OPCML: variants seen among roughly 807,000 people sequenced by gnomAD.
OPCML encodes the protein opioid binding protein/cell adhesion molecule like.
In OPCML, 13 loss-of-function variants were observed where a neutral mutation model predicts 37.8. The observed-to-expected ratio is 0.34, with a 90% CI of 0.22 to 0.55. OPCML has a LOEUF of 0.55. OPCML is among the 20% of genes least tolerant of loss of function. The pLI is 0.91. For synonymous variants in OPCML, 176 were observed against 168.8 expected (o/e 1.04, Z -0.33); for missense variants, 341 against 435.6 (o/e 0.78, Z 1.93).
intron 1 of OPCML, among the ~76,000 whole-genome samples, chr11:133,230,259 C>T (rs1050880070): frequency 6.6e-6 from 1 of 152,156 alleles, no homozygotes; most frequent in African/African-American, 2.4e-5. Context: ...CATCTTGGCT[C>T]ATGGTGTCAT....
In OPCML at chr11:132,436,249, A is replaced by T. The variant is rs751719480; in HGVS notation, c.765-12T>A. ...GACCAGTGGCTAACCTGCAAGAGGGAAGACATTGCTATCAATTCATTCTAC... is the reference window on the plus strand; with the variant it reads ...GACCAGTGGCTAACCTGCAAGAGGGTAGACATTGCTATCAATTCATTCTAC... On this transcript the variant is annotated splice_polypyrimidine_tract_variant and intron_variant, in intron 6 of 7. Coordinates refer to ENST00000524381, the MANE Select transcript of OPCML (RefSeq NM_001012393.5). 2 of 1,614,150 alleles carry T rather than the reference A, an allele frequency of 1.2e-6. No homozygotes were observed. The highest frequency in any genetic ancestry group is 1.7e-6 in the Non-Finnish European group (2 of 1,180,016).
At chr11:133,137,072 T>C (rs1410041553) in intron 1 of OPCML, among the ~76,000 whole-genome samples, 1 of 152,192 alleles carries the variant, frequency 6.6e-6, no homozygotes, top group Non-Finnish European at 1.5e-5. Flanking sequence ...AAGGATGGTT[T>C]TCTCATCGCT....
chr11:133,112,595 G>T (rs1395866187), intron 1 of OPCML, among the ~76,000 whole-genome samples: 1 of 152,146 alleles, frequency 6.6e-6, no homozygotes, highest in East Asian at 1.9e-4. Context: ...AATAAAAGGT[G>T]TCAGCATCTA....
intron 3 of OPCML, among the ~76,000 whole-genome samples, chr11:132,570,805 A>G (rs1229093294): frequency 8.3e-6 from 1 of 119,996 alleles, no homozygotes; most frequent in Non-Finnish European, 1.8e-5. Context: ...ATATATATTT[A>G]GAGAGAGAGA....
chr11:133,322,157 T>TG lies in OPCML; in HGVS notation c.61+210106dup, dbSNP rs1592199983. On this transcript the variant is annotated intron_variant, in intron 1 of 7. Coordinates refer to ENST00000524381, the MANE Select transcript of OPCML (RefSeq NM_001012393.5). ...GCTGATGGCCATAGGCTGCAACCTA[T>TG]GGTCTTTCTTACTCAGCATTTGAAT... Among the ~76,000 whole-genome samples the TG allele has an allele frequency of 2.6e-5, 4 of 152,324 alleles. No homozygotes were observed. In the East Asian group the frequency reaches 7.7e-4, roughly 29 times the overall value.
intron 2 of OPCML, among the ~76,000 whole-genome samples, chr11:132,682,628 G>A (rs1005844892): frequency 2.0e-5 from 3 of 152,292 alleles, no homozygotes; most frequent in Non-Finnish European, 4.4e-5. Context: ...ATAAAGAGGC[G>A]ATAAGGAGGC....
chr11:132,870,322 C>T (rs563239071), intron 2 of OPCML, among the ~76,000 whole-genome samples: 1 of 152,094 alleles, frequency 6.6e-6, no homozygotes, highest in Non-Finnish European at 1.5e-5. Flanking sequence ...ATTATTTACT[C>T]ACATGTCAGA....
At chr11:132,857,532 C>T (rs1377913770) in intron 2 of OPCML, among the ~76,000 whole-genome samples, 2 of 152,102 alleles carry the variant, frequency 1.3e-5, no homozygotes, top group Non-Finnish European at 2.9e-5. Context: ...TATGAAAATC[C>T]TCCCTTTTTC....
At chr11:132,893,659 G>A (rs1032520921) in intron 2 of OPCML, among the ~76,000 whole-genome samples, 1 of 152,236 alleles carries the variant, frequency 6.6e-6, no homozygotes, top group African/African-American at 2.4e-5. Flanking sequence ...TAAAGGTGAG[G>A]AGATAGCAAT....
At chr11:133,386,959 C>A (rs1474953296) in intron 1 of OPCML, among the ~76,000 whole-genome samples, 1 of 152,174 alleles carries the variant, frequency 6.6e-6, no homozygotes, top group Non-Finnish European at 1.5e-5. Flanking sequence ...TGCCCACCCT[C>A]CATCTCAAAT....
At chr11:133,014,527 C>T (rs79321100) in intron 1 of OPCML, among the ~76,000 whole-genome samples, 1 of 152,190 alleles carries the variant, frequency 6.6e-6, no homozygotes, top group Non-Finnish European at 1.5e-5. Context: ...ACGGCTCACT[C>T]AAGTATCACT....
chr11:132,939,327 T>C (rs1008660899), intron 2 of OPCML, among the ~76,000 whole-genome samples: 1 of 152,180 alleles, frequency 6.6e-6, no homozygotes, highest in Non-Finnish European at 1.5e-5. Flanking sequence ...TTGGCAGTAG[T>C]TAAACCTCAA....
At chr11:133,099,387 T>G (rs1949052465) in intron 1 of OPCML, among the ~76,000 whole-genome samples, 1 of 151,558 alleles carries the variant, frequency 6.6e-6, no homozygotes, top group Non-Finnish European at 1.5e-5. Context: ...CTCAGCCTCC[T>G]GAGTAGCTGG....
intron 3 of OPCML, among the ~76,000 whole-genome samples, chr11:132,618,149 C>T (rs537951884): frequency 6.6e-6 from 1 of 152,284 alleles, no homozygotes; most frequent in South Asian, 2.1e-4. Flanking sequence ...GATGACAGCA[C>T]CAACTTTGGT....
chr11:132,589,812 G>C (rs554424538), intron 3 of OPCML, among the ~76,000 whole-genome samples: 1 of 152,286 alleles, frequency 6.6e-6, no homozygotes, highest in East Asian at 1.9e-4. Flanking sequence ...CTTTTGCGGA[G>C]GAGAAATTTT....
intron 3 of OPCML, among the ~76,000 whole-genome samples, chr11:132,650,688 T>C (rs1262614422): frequency 2.6e-5 from 4 of 152,114 alleles, no homozygotes; most frequent in South Asian, 2.1e-4. Context: ...CTTCACCCCA[T>C]GTTAATAAGC....
chr11:132,747,953 G>A (rs1254329258), intron 2 of OPCML, among the ~76,000 whole-genome samples: 1 of 152,058 alleles, frequency 6.6e-6, no homozygotes, highest in African/African-American at 2.4e-5. Context: ...GATTGAGTAA[G>A]CAAGTGCTTA....
intron 2 of OPCML, among the ~76,000 whole-genome samples, chr11:132,760,031 A>G (rs946908999): frequency 1.3e-5 from 2 of 152,046 alleles, no homozygotes; most frequent in African/African-American, 4.8e-5. Flanking sequence ...GAACTTACTT[A>G]TTTCTTCCTT....
At chr11:133,364,695 GA>G (rs1944500853) in intron 1 of OPCML, among the ~76,000 whole-genome samples, 1 of 152,166 alleles carries the variant, frequency 6.6e-6, no homozygotes, top group African/African-American at 2.4e-5. Flanking sequence ...AACAGAATGT[GA>G]GCTCCAGCCC....
Sources: gnomAD v4.1 joint callset for allele counts (sites outside exome capture counted in the v4.1 genomes callset) on GRCh38, gnomAD v4.1.1 for gene constraint, MANE v1.5 for transcripts, NCBI Gene and HGNC (gene_info 2026-07-23, HGNC 2026-07-21) for gene names.